CSMD1: variants seen among roughly 807,000 people sequenced by gnomAD.
CSMD1 encodes CUB and sushi domain-containing protein 1.
CSMD1 carries 213 observed loss-of-function variants against 417.5 expected under a neutral mutation model. The ratio of observed to expected loss-of-function variants is 0.51; its 90% CI spans 0.46 to 0.57. CSMD1 has a LOEUF of 0.57. CSMD1 is among the 20% of genes least tolerant of loss of function. CSMD1 has a pLI of 0.00. For synonymous variants in CSMD1, 2,862 were observed against 1,736.8 expected (o/e 1.65, Z -16.11); for missense variants, 6,923 against 4,529.7 (o/e 1.53, Z -15.17).
In CSMD1 at chr8:4,597,110, ATT is replaced by A. The variant is rs11136756; in HGVS notation, c.302+40230_302+40231del. ...TGAAAACAGACTAATACAACACACA[ATT>A]TTTTTTTTTCTAGCATTTGCAGCTA... is the stretch of plus-strand genomic sequence containing the variant. On this transcript the variant is annotated intron_variant, in intron 2 of 69. Coordinates refer to ENST00000635120, the MANE Select transcript of CSMD1 (RefSeq NM_033225.6). Among the ~76,000 whole-genome samples, 233 of 150,836 alleles carry A rather than the reference ATT, an allele frequency of 1.5e-3. 1 individual carries two copies. The highest frequency in any genetic ancestry group is 3.5e-3 in the Middle Eastern group (1 of 288).
At chr8:3,438,847 G>T (rs988967076) in intron 12 of CSMD1, among the ~76,000 whole-genome samples, 2 of 151,984 alleles carry the variant, frequency 1.3e-5, no homozygotes, top group East Asian at 1.9e-4. Flanking sequence ...CAGGTGTGGT[G>T]GCTTGCACCT....
At chr8:3,812,202 A>AGTTCCCTTTC (rs1801128249) in intron 5 of CSMD1, among the ~76,000 whole-genome samples, 3 of 152,188 alleles carry the variant, frequency 2.0e-5, no homozygotes, top group Non-Finnish European at 4.4e-5. Context: ...CCACATACAA[A>AGTTCCCTTTC]CAATATATCG....
intron 2 of CSMD1, among the ~76,000 whole-genome samples, chr8:4,517,858 C>A (rs753725367): frequency 6.6e-5 from 10 of 152,096 alleles, no homozygotes; most frequent in African/African-American, 1.7e-4. Flanking sequence ...AAAAGCCACA[C>A]GTATTTTGTA....
intron 23 of CSMD1, among the ~76,000 whole-genome samples, chr8:3,314,014 A>G (rs544062998): frequency 6.1e-4 from 93 of 152,220 alleles, no homozygotes; most frequent in Middle Eastern, 6.8e-3. Flanking sequence ...GCAAACTATC[A>G]CAAGGACAAA....
chr8:4,010,251 G>C (rs901850467), intron 4 of CSMD1, among the ~76,000 whole-genome samples: 1 of 152,002 alleles, frequency 6.6e-6, no homozygotes. Flanking sequence ...GTGACTCATG[G>C]TCTTCCCTCC....
chr8:4,726,315 T>G (rs939840149), intron 1 of CSMD1, among the ~76,000 whole-genome samples: 1 of 141,238 alleles, frequency 7.1e-6, no homozygotes, highest in African/African-American at 2.6e-5. Context: ...GCGGGTTCTT[T>G]AAAAAAAAAA....
chr8:3,548,406 T>G (rs1221850204), intron 10 of CSMD1, among the ~76,000 whole-genome samples: 1 of 152,120 alleles, frequency 6.6e-6, no homozygotes, highest in Non-Finnish European at 1.5e-5. Flanking sequence ...CTGAGCAGTA[T>G]ACACTGCACC....
intron 5 of CSMD1, among the ~76,000 whole-genome samples, chr8:3,789,851 C>T (rs888144228): frequency 6.6e-6 from 1 of 151,526 alleles, no homozygotes; most frequent in Non-Finnish European, 1.5e-5. Context: ...CCTGCCTCAG[C>T]CTCCCAAGTA....
chr8:3,831,771 A>T (rs1226327154), intron 5 of CSMD1, among the ~76,000 whole-genome samples: 1 of 152,160 alleles, frequency 6.6e-6, no homozygotes, highest in African/African-American at 2.4e-5. Context: ...ACACATAGCC[A>T]TTTGGGATAT....
chr8:3,669,343 C>T (rs911790392), intron 7 of CSMD1, among the ~76,000 whole-genome samples: 2 of 152,284 alleles, frequency 1.3e-5, no homozygotes, highest in South Asian at 2.1e-4. Context: ...CAGGCCCATG[C>T]TTCAGAGCCT....
At chr8:4,035,269 A>C (rs1797557946) in intron 3 of CSMD1, among the ~76,000 whole-genome samples, 1 of 152,180 alleles carries the variant, frequency 6.6e-6, no homozygotes. Context: ...AGTCATACAA[A>C]TCTTCAGCAC....
chr8:3,136,310 G>A (rs992866009), intron 41 of CSMD1, among the ~76,000 whole-genome samples: 13 of 147,094 alleles, frequency 8.8e-5, no homozygotes, highest in African/African-American at 3.3e-4. Context: ...AGACTGGAGT[G>A]CAATGGCATG....
intron 6 of CSMD1, among the ~76,000 whole-genome samples, chr8:3,717,783 T>C (rs531695533): frequency 2.1e-3 from 318 of 152,332 alleles, no homozygotes; most frequent in African/African-American, 7.5e-3. Context: ...TAAGGTATTT[T>C]TAATAGATTA....
At chr8:4,718,393 A>T (rs1244574061) in intron 1 of CSMD1, among the ~76,000 whole-genome samples, 2 of 152,236 alleles carry the variant, frequency 1.3e-5, no homozygotes, top group East Asian at 3.8e-4. Flanking sequence ...ACTTAACATG[A>T]TAAAACACAT....
At chr8:4,316,368 G>C (rs986818284) in intron 3 of CSMD1, among the ~76,000 whole-genome samples, 2 of 151,864 alleles carry the variant, frequency 1.3e-5, no homozygotes, top group African/African-American at 4.8e-5. Flanking sequence ...TTATACTCTG[G>C]GCTGCCACAG....
At chr8:4,206,823 G>C (rs548738381) in intron 3 of CSMD1, among the ~76,000 whole-genome samples, 3 of 152,124 alleles carry the variant, frequency 2.0e-5, no homozygotes, top group Non-Finnish European at 4.4e-5. Flanking sequence ...TATGACTTTT[G>C]AGTGATTATT....
intron 2 of CSMD1, among the ~76,000 whole-genome samples, chr8:4,436,924 G>A (rs568119104): frequency 6.6e-6 from 1 of 152,110 alleles, no homozygotes; most frequent in East Asian, 1.9e-4. Context: ...TCTGTTGATG[G>A]ACACTGAGGT....
At chr8:4,677,941 C>T (rs1168502677) in intron 1 of CSMD1, among the ~76,000 whole-genome samples, 1 of 151,922 alleles carries the variant, frequency 6.6e-6, no homozygotes, top group Non-Finnish European at 1.5e-5. Flanking sequence ...GTATAAAACA[C>T]TAGAAAAAAA....
intron 26 of CSMD1, among the ~76,000 whole-genome samples, chr8:3,261,232 G>A (rs1801037704): frequency 1.3e-5 from 2 of 152,118 alleles, no homozygotes; most frequent in Admixed American, 6.6e-5. Flanking sequence ...TTGCATAGGA[G>A]GCAGAAAAAC....
Sources: allele counts gnomAD v4.1 joint callset (sites outside exome capture counted in the v4.1 genomes callset), GRCh38; gene constraint gnomAD v4.1.1; transcripts MANE v1.5; gene names NCBI Gene and HGNC (gene_info 2026-07-23, HGNC 2026-07-21).